The following TP73 variants were observed in gnomAD, a reference collection of about 807,000 sequenced individuals.
TP73 encodes the protein p53-like transcription factor.
Under a neutral mutation model 62.5 loss-of-function variants are expected in TP73, and 25 were observed. The ratio of observed to expected loss-of-function variants is 0.40; its 90% CI spans 0.29 to 0.56. The LOEUF is 0.56. Ranked by LOEUF, TP73 falls within the 20% of genes least tolerant of loss-of-function variation. The pLI, the probability that TP73 is intolerant of heterozygous loss-of-function variation, is 0.46. For missense variants in TP73, 754 were observed against 913.3 expected (o/e 0.83, Z 2.25); for synonymous variants, 423 against 377.5 (o/e 1.12, Z -1.40).
At chr1:3,659,128 G>A (rs1354012097) in intron 1 of TP73, 1 of 152,078 alleles carries the variant, frequency 6.6e-6, no homozygotes, top group Non-Finnish European at 1.5e-5. Flanking sequence ...AAACTGGGTG[G>A]GTGTGTTGTC....
chr1:3,683,243 T>C, intron 3 of TP73, 63 bp downstream of exon 3: 1 of 1,532,268 alleles, frequency 6.5e-7, no homozygotes, highest in Non-Finnish European at 8.9e-7. Context: ...TGGCCTGTCC[T>C]GTCTTGGGAG....
At position 3,666,804 on chromosome 1, in the gene TP73, C is replaced by T. The variant is rs374445001; in HGVS notation, c.-34+14163C>T. On this transcript the variant is annotated intron_variant, in intron 1 of 13. Transcript: ENST00000378295. The surrounding 1 kb of genome is among the most constrained non-coding windows in gnomAD (Gnocchi z 6.4). The stretch of plus-strand genomic sequence containing the variant: ...TGCCATGCGGGCGTCTCTCCCAGGG[C>T]GGCTTTCAGACTGACCCCCAAACAG... 1.3e-5 allele frequency among the ~76,000 whole-genome samples: 2 copies of T among 152,134 alleles called. No homozygotes were observed. The highest frequency in any genetic ancestry group is 2.4e-5 in the African/African-American group (1 of 41,442).
rs144206303 is a variant in TP73 at position 3,732,853 on chromosome 1, G to A, written c.1685G>A (p.Arg562His). The stretch of plus-strand genomic sequence containing the variant: ...TACAGCACCGCGCAGCAGCTGCTCC[G>A]CTCTAGCAACGCGGCCACCATCTCC... ...HDYSTAQQLL[R>H]SSNAATISIG... The change falls in exon 14 of 14, where the codon CGC becomes CAC. Residue 562 changes from arginine to histidine, a missense_variant. Around this residue, in one of 3 missense-constraint regions of TP73, gnomAD observed 458 missense variants for 528.7 expected, o/e 0.87. Coordinates refer to ENST00000378295, the MANE Select transcript of TP73 (RefSeq NM_005427.4). 43 of 1,611,952 alleles carry A rather than the reference G, an allele frequency of 2.7e-5. No homozygotes were observed. The highest frequency in any genetic ancestry group is 1.6e-4 in the Middle Eastern group (1 of 6,084).
intron 10 of TP73, 50 bp downstream of exon 10, chr1:3,729,498 A>G: frequency 6.2e-7 from 1 of 1,610,240 alleles, no homozygotes; most frequent in Non-Finnish European, 8.5e-7. Context: ...GACATGGCTT[A>G]ACCCCCCAGG....
chr1:3,664,317 G>A (rs977956815), intron 1 of TP73, among the ~76,000 whole-genome samples: 5 of 152,180 alleles, frequency 3.3e-5, no homozygotes, highest in Admixed American at 6.5e-5. Context: ...CAGGCCCCCC[G>A]TGGCTCAGGG....
chr1:3,710,458 A>G (rs984857208), intron 4 of TP73, among the ~76,000 whole-genome samples: 3 of 152,250 alleles, frequency 2.0e-5, no homozygotes, highest in African/African-American at 7.2e-5. Context: ...GGGTCCCACC[A>G]TGCGGGTGCT....
At position 3,729,457 on chromosome 1, in the gene TP73, G is replaced by A. The variant is rs758866087; in HGVS notation, c.1196+9G>A. On this transcript the variant is annotated intron_variant, in intron 10 of 13. Transcript: ENST00000378295. ...CAGCTCCTACAGAGGCCGTGAGTCA[G>A]CCCTAGCCCACCATCAGTGTGGGGA... The A allele has an allele frequency of 2.5e-6, 4 of 1,612,458 alleles. No individual in the cohort carries two copies. The East Asian group carries it at 8.9e-5, about 36-fold the overall frequency.
At chr1:3,731,838 G>A (rs1469180676) in intron 13 of TP73, among the ~76,000 whole-genome samples, 2 of 152,184 alleles carry the variant, frequency 1.3e-5, no homozygotes, top group Non-Finnish European at 2.9e-5. Flanking sequence ...TTAGGGGATG[G>A]GCTGTTTCCA....
chr1:3,690,173 C>A lies in TP73; in HGVS notation c.186+6993C>A, dbSNP rs558936621. Among the ~76,000 whole-genome samples, 6 of 152,296 alleles carry A rather than the reference C, an allele frequency of 3.9e-5. No individual in the cohort carries two copies. The South Asian group carries it at 1.2e-3, about 32-fold the overall frequency. On this transcript the variant is annotated intron_variant, in intron 3 of 13. Coordinates refer to ENST00000378295, the MANE Select transcript of TP73 (RefSeq NM_005427.4). Reference sequence around the variant, plus strand: ...CTCTTGGACTCACCCCTGCTTTGGGCAGGCAGTGGAAGGCAGGCCCCACAA... The same window carrying A: ...CTCTTGGACTCACCCCTGCTTTGGGAAGGCAGTGGAAGGCAGGCCCCACAA...
At chr1:3,711,599 G>A (rs1183273551) in intron 4 of TP73, among the ~76,000 whole-genome samples, 9 of 152,240 alleles carry the variant, frequency 5.9e-5, no homozygotes, top group African/African-American at 1.9e-4. Context: ...CTGAGGTCAG[G>A]CAAGAAGGCA....
rs944890806 is a variant in TP73 at position 3,701,595 on chromosome 1, C to T, written c.187-5954C>T. 1.3e-5 allele frequency among the ~76,000 whole-genome samples: 2 copies of T among 152,184 alleles called. No homozygotes were observed. The highest frequency in any genetic ancestry group is 2.9e-5 in the Non-Finnish European group (2 of 68,038). On this transcript the variant is annotated intron_variant, in intron 3 of 13. Transcript: ENST00000378295. This position sits in a 1 kb window ranked among gnomAD's most constrained non-coding sequence, Gnocchi z 4.7. ...TCTCAGCTCACTGCAACCTCTGCCT[C>T]CCGGGTTCAAGCAATTCTCCTTGCT...
At chr1:3,692,207 C>T (rs1645860228) in intron 3 of TP73, among the ~76,000 whole-genome samples, 1 of 151,990 alleles carries the variant, frequency 6.6e-6, no homozygotes, top group Non-Finnish European at 1.5e-5. Context: ...ATGTGTGTTG[C>T]GATGGATACA....
rs1642009941 is a variant in TP73 at position 3,730,077 on chromosome 1, C to T, written c.1274C>T (p.Pro425Leu). 5.0e-6 allele frequency: 8 copies of T among 1,600,112 alleles called. No homozygotes were observed. In the East Asian group the frequency reaches 1.8e-4, roughly 36 times the overall value. The change falls in exon 11 of 14, where the codon CCC becomes CTC. Residue 425 changes from proline to leucine, a missense_variant. Physicochemically the swap from Pro to Leu is moderately conservative, Grantham distance 98. Transcript: ENST00000378295. ...NKVHGGMNKL[P>L]SVNQLVGQPP... ...GTGCACGGGGGCATGAACAAGCTGC[C>T]CTCCGTCAACCAGCTGGTGGGCCAG...
At chr1:3,683,533 G>C (rs1557506493) in intron 3 of TP73, among the ~76,000 whole-genome samples, 1 of 152,146 alleles carries the variant, frequency 6.6e-6, no homozygotes, top group Non-Finnish European at 1.5e-5. Context: ...GGTGGATCCA[G>C]GTATAGAAAG....
At chr1:3,714,315 C>A (rs1173356411) in intron 4 of TP73, 2 of 152,292 alleles carry the variant, frequency 1.3e-5, no homozygotes, top group Non-Finnish European at 2.9e-5. Context: ...TGGCCAGAGA[C>A]TCCGGGACTG....
At chr1:3,683,640 T>C (rs1385252089) in intron 3 of TP73, among the ~76,000 whole-genome samples, 1 of 152,210 alleles carries the variant, frequency 6.6e-6, no homozygotes, top group East Asian at 1.9e-4. Flanking sequence ...AGGCCGCATC[T>C]CCTCTCATGG....
chr1:3,721,962 C>T (rs1641106102), intron 4 of TP73, 59 bp from the exon 5 acceptor site: 1 of 1,517,770 alleles, frequency 6.6e-7, no homozygotes, highest in South Asian at 1.3e-5. Context: ...TGGGGGGTGG[C>T]CTGGACAGGG....
intron 3 of TP73, among the ~76,000 whole-genome samples, chr1:3,684,500 C>T (rs1645603504): frequency 6.6e-6 from 1 of 152,146 alleles, no homozygotes. Context: ...TGGGGGTGGG[C>T]GGCCCAGCCA....
intron 3 of TP73, among the ~76,000 whole-genome samples, chr1:3,707,305 A>G (rs564337317): frequency 6.6e-6 from 1 of 152,294 alleles, no homozygotes; most frequent in African/African-American, 2.4e-5. Flanking sequence ...CGCCTCATCA[A>G]CGGCTGGGTG....
Sources: allele counts gnomAD v4.1 joint callset (sites outside exome capture counted in the v4.1 genomes callset), GRCh38; gene constraint gnomAD v4.1.1; regional missense constraint gnomAD v4.1.1; non-coding constraint Gnocchi (gnomAD v3.1); transcripts MANE v1.5; gene names NCBI Gene and HGNC (gene_info 2026-07-23, HGNC 2026-07-21).